The following LRBA variants were observed in gnomAD, a reference collection of about 807,000 sequenced individuals.
LRBA encodes the protein lipopolysaccharide-responsive and beige-like anchor protein.
LRBA carries 176 observed loss-of-function variants against 330.0 expected under a neutral mutation model. The ratio of observed to expected loss-of-function variants is 0.53; its 90% CI spans 0.47 to 0.60. The LOEUF is 0.60. LRBA is among the 20% of genes least tolerant of loss of function. The pLI is 0.00. For missense variants in LRBA, 3,259 were observed against 3,444.8 expected (o/e 0.95, Z 1.35); for synonymous variants, 1,230 against 1,193.0 (o/e 1.03, Z -0.64).
chr4:150,330,120 C>T (rs1392345296), intron 48 of LRBA, among the ~76,000 whole-genome samples: 1 of 152,254 alleles, frequency 6.6e-6, no homozygotes, highest in East Asian at 1.9e-4. Flanking sequence ...GTTTTCCTAT[C>T]TCTCTAACTT....
chr4:150,765,134 A>C (rs1437351792), intron 34 of LRBA, among the ~76,000 whole-genome samples: 3 of 152,182 alleles, frequency 2.0e-5, no homozygotes, highest in Non-Finnish European at 4.4e-5. Flanking sequence ...GAGAAAATGT[A>C]AAAGTATATT....
chr4:150,361,157 C>A (rs183298554), intron 47 of LRBA, among the ~76,000 whole-genome samples: 10 of 152,120 alleles, frequency 6.6e-5, no homozygotes, highest in African/African-American at 2.4e-4. Flanking sequence ...TAGCAGATAA[C>A]GAGTCTCTGT....
At chr4:150,554,603 CTAAAG>C (rs1267172957) in intron 40 of LRBA, among the ~76,000 whole-genome samples, 2 of 152,054 alleles carry the variant, frequency 1.3e-5, no homozygotes, top group Non-Finnish European at 2.9e-5. Context: ...TCAATCACAA[CTAAAG>C]TATAGAAAGA....
intron 16 of LRBA, among the ~76,000 whole-genome samples, chr4:150,894,654 C>T (rs1345488660): frequency 1.3e-5 from 2 of 152,124 alleles, no homozygotes; most frequent in African/African-American, 4.8e-5. Context: ...TACTTGTATA[C>T]CGAATTTTCA....
At chr4:150,623,625 T>A (rs1160144528) in intron 37 of LRBA, among the ~76,000 whole-genome samples, 2 of 152,048 alleles carry the variant, frequency 1.3e-5, no homozygotes, top group African/African-American at 4.8e-5. Flanking sequence ...TCCTCACCAC[T>A]AGGAGACTTT....
chr4:150,337,286 G>A (rs1169776162), intron 48 of LRBA, among the ~76,000 whole-genome samples: 3 of 152,036 alleles, frequency 2.0e-5, no homozygotes, highest in African/African-American at 4.8e-5. Flanking sequence ...ATAATAGAAC[G>A]GCTCAGAATT....
intron 47 of LRBA, among the ~76,000 whole-genome samples, chr4:150,393,202 T>C (rs368018634): frequency 3.3e-5 from 5 of 152,254 alleles, no homozygotes; most frequent in African/African-American, 9.6e-5. Context: ...ACCTACAGGG[T>C]AGAGATTATA....
chr4:150,919,354 T>C (rs1183780393), intron 5 of LRBA, among the ~76,000 whole-genome samples: 1 of 152,252 alleles, frequency 6.6e-6, no homozygotes, highest in Non-Finnish European at 1.5e-5. Flanking sequence ...TTGTGTGGTA[T>C]GTGGATTATA....
At chr4:150,571,323 A>G (rs554923943) in intron 40 of LRBA, among the ~76,000 whole-genome samples, 2 of 152,204 alleles carry the variant, frequency 1.3e-5, no homozygotes, top group East Asian at 3.9e-4. Flanking sequence ...CAACAGAAAA[A>G]CACAGATTAA....
At chr4:150,387,076 G>A in intron 47 of LRBA, among the ~76,000 whole-genome samples, 1 of 151,614 alleles carries the variant, frequency 6.6e-6, no homozygotes, top group East Asian at 1.9e-4. Context: ...TTTGAGAAGT[G>A]TCTTTTCAAG....
chr4:150,880,412 T>A (rs757243770), intron 17 of LRBA, among the ~76,000 whole-genome samples: 1 of 151,052 alleles, frequency 6.6e-6, no homozygotes, highest in Non-Finnish European at 1.5e-5. Flanking sequence ...CCCAGCTACC[T>A]GGGAGGCCAA....
intron 2 of LRBA, among the ~76,000 whole-genome samples, chr4:151,009,850 C>G (rs903267460): frequency 6.6e-6 from 1 of 151,646 alleles, no homozygotes; most frequent in African/African-American, 2.4e-5. Context: ...CGTGGTGGCA[C>G]GTGCCTGTAG....
intron 47 of LRBA, among the ~76,000 whole-genome samples, chr4:150,412,267 C>T (rs1210719736): frequency 6.6e-6 from 1 of 152,052 alleles, no homozygotes; most frequent in African/African-American, 2.4e-5. Context: ...AAAACTCAAG[C>T]AGTAGGAATC....
chr4:150,910,950 G>A (rs1036251960), intron 9 of LRBA, among the ~76,000 whole-genome samples: 20 of 152,186 alleles, frequency 1.3e-4, no homozygotes, highest in African/African-American at 4.6e-4. Flanking sequence ...TGATGCTATT[G>A]TAAAAGAAAT....
At chr4:150,854,249 A>G (rs994672516) in intron 22 of LRBA, among the ~76,000 whole-genome samples, 3 of 152,226 alleles carry the variant, frequency 2.0e-5, no homozygotes, top group Admixed American at 6.5e-5. Flanking sequence ...CATTGTAACT[A>G]TGTTCTTAAT....
chr4:150,334,974 T>C (rs1204223633), intron 48 of LRBA, among the ~76,000 whole-genome samples: 1 of 151,558 alleles, frequency 6.6e-6, no homozygotes, highest in Non-Finnish European at 1.5e-5. Flanking sequence ...GAATTACAGG[T>C]ATGCACCACC....
At chr4:150,707,294 T>C (rs1402469802) in intron 36 of LRBA, among the ~76,000 whole-genome samples, 1 of 151,658 alleles carries the variant, frequency 6.6e-6, no homozygotes, top group African/African-American at 2.4e-5. Context: ...ATATCTTCTA[T>C]ATAAAAGTTT....
chr4:150,820,724 T>C (rs898596360), intron 30 of LRBA, among the ~76,000 whole-genome samples: 10 of 152,040 alleles, frequency 6.6e-5, no homozygotes, highest in Non-Finnish European at 1.0e-4. Context: ...AGTAGGTAGA[T>C]TTTGAAATAT....
At chr4:151,003,885 C>CTG (rs56025404) in intron 2 of LRBA, among the ~76,000 whole-genome samples, 7,605 of 134,084 alleles carry the variant, frequency 0.057, 233 homozygotes, top group East Asian at 0.12. Context: ...TAGCCAACTG[C>CTG]TGTGTGTGTG....
Sources: allele counts gnomAD v4.1 joint callset (sites outside exome capture counted in the v4.1 genomes callset), GRCh38; gene constraint gnomAD v4.1.1; transcripts MANE v1.5; gene names NCBI Gene and HGNC (gene_info 2026-07-23, HGNC 2026-07-21).